Variants in PTPN3 observed in about 807,000 individuals in gnomAD.
PTPN3 encodes tyrosine-protein phosphatase non-receptor type 3.
PTPN3 carries 96 observed loss-of-function variants against 132.7 expected under a neutral mutation model. That is an observed-to-expected ratio of 0.72 (90% CI 0.61 to 0.86). The LOEUF (loss-of-function observed/expected upper bound fraction) is 0.86, where lower values mean the gene tolerates loss of function less well. PTPN3 is among the 40% of genes least tolerant of loss of function. The probability of loss-of-function intolerance (pLI) is 0.00; values close to 1 mark genes in which losing one functional copy is unlikely to be tolerated. For missense variants in PTPN3, 1,125 were observed against 1,159.6 expected, an observed-to-expected ratio of 0.97 and a Z score of 0.43; for synonymous variants, 398 against 429.0, an observed-to-expected ratio of 0.93 and a Z score of 0.89.
intron 1 of PTPN3, among the ~76,000 whole-genome samples, chr9:109,482,409 C>T (rs995879601): frequency 2.6e-5 from 4 of 152,132 alleles, no homozygotes; most frequent in African/African-American, 7.2e-5. Flanking sequence ...TACGGGATAA[C>T]CGCAACTAAT....
chr9:109,386,709 C>T (rs1588292766), intron 22 of PTPN3, among the ~76,000 whole-genome samples: 1 of 152,238 alleles, frequency 6.6e-6, no homozygotes, highest in East Asian at 1.9e-4. Context: ...ACAGACAGTA[C>T]AATACACCTG....
intron 12 of PTPN3, among the ~76,000 whole-genome samples, chr9:109,426,386 T>C (rs1843283511): frequency 6.6e-6 from 1 of 151,950 alleles, no homozygotes; most frequent in South Asian, 2.1e-4. Flanking sequence ...CTGTGGCTAA[T>C]AGTACCTATC....
chr9:109,419,366 A>G (rs1842739503), intron 14 of PTPN3, among the ~76,000 whole-genome samples: 1 of 152,208 alleles, frequency 6.6e-6, no homozygotes, highest in African/African-American at 2.4e-5. Context: ...ACAGTGGTAA[A>G]AAATTTACAG....
rs375763821 is a variant in PTPN3 at position 109,383,524 on chromosome 9, G to C, written c.2281C>G (p.Pro761Ala). The part of the protein sequence containing the change: ...RTKCHQYWPD[P>A]PDVMNHGGFH... ...CCGCCGTGGTTCATGACGTCGGGGG[G>C]ATCTGGCCAGTACTGGTGACATTTG... The change falls in exon 23 of 26, where the codon CCC (proline) becomes GCC (alanine). Residue 761 changes from proline to alanine, a missense_variant. Pro to Ala is a conservative substitution (Grantham distance 27). Coordinates refer to ENST00000374541, the MANE Select transcript of PTPN3 (RefSeq NM_002829.4). 1.9e-6 allele frequency: 3 copies of C among 1,614,002 alleles called. No individual in the cohort carries two copies. Among genetic ancestry groups the C allele is most frequent in the African/African-American group, 2.7e-5 (2 of 74,882 alleles).
At chr9:109,421,684 T>C (rs1842902045) in intron 13 of PTPN3, among the ~76,000 whole-genome samples, 1 of 152,264 alleles carries the variant, frequency 6.6e-6, no homozygotes, top group Non-Finnish European at 1.5e-5. Context: ...TATCTAAATG[T>C]TGGAAACCAA....
intron 12 of PTPN3, among the ~76,000 whole-genome samples, chr9:109,425,318 C>A (rs7851759): frequency 0.038 from 5,773 of 152,232 alleles, 145 homozygotes; most frequent in East Asian, 0.15. Context: ...GCAGTTCCAC[C>A]TATCAGAAAG....
chr9:109,447,875 T>G (rs1399218574), intron 6 of PTPN3, among the ~76,000 whole-genome samples: 1 of 152,192 alleles, frequency 6.6e-6, no homozygotes, highest in African/African-American at 2.4e-5. Context: ...CCCGCCTACG[T>G]AGGACACGAA....
chr9:109,414,550 T>C (rs1334971830), intron 14 of PTPN3, among the ~76,000 whole-genome samples: 1 of 152,236 alleles, frequency 6.6e-6, no homozygotes, highest in African/African-American at 2.4e-5. Context: ...ATTTTTATGA[T>C]GTGGAGACAG....
chr9:109,536,458 G>C, the PTPN3 span, among the ~76,000 whole-genome samples: 1 of 152,152 alleles, frequency 6.6e-6, no homozygotes, highest in South Asian at 2.1e-4. Flanking sequence ...TACAATAATA[G>C]AGTACATTCA....
chr9:109,407,542 A>C (rs754471167), intron 17 of PTPN3, among the ~76,000 whole-genome samples: 31 of 152,130 alleles, frequency 2.0e-4, no homozygotes, highest in Non-Finnish European at 3.7e-4. Flanking sequence ...AAAAACAATA[A>C]AATAAATTTA....
chr9:109,416,422 G>A (rs1376562382), intron 14 of PTPN3, among the ~76,000 whole-genome samples: 1 of 151,598 alleles, frequency 6.6e-6, no homozygotes, highest in Non-Finnish European at 1.5e-5. Flanking sequence ...CCAATGAACA[G>A]AAGTTTTTTG....
the PTPN3 span, among the ~76,000 whole-genome samples, chr9:109,510,082 G>T: frequency 6.6e-6 from 1 of 152,298 alleles, no homozygotes; most frequent in South Asian, 2.1e-4. Context: ...AGAGGGAAGT[G>T]TTGGTCCCAT....
At chr9:109,399,207 G>C (rs191644322) in intron 19 of PTPN3, among the ~76,000 whole-genome samples, 1 of 152,314 alleles carries the variant, frequency 6.6e-6, no homozygotes, top group East Asian at 1.9e-4. Flanking sequence ...TGCAGCCCAG[G>C]CTGGAGTACG....
the PTPN3 span, among the ~76,000 whole-genome samples, chr9:109,506,756 C>G: frequency 2.6e-5 from 4 of 152,102 alleles, no homozygotes; most frequent in African/African-American, 9.6e-5. Flanking sequence ...GTGCATGCCA[C>G]AAGACTTGGC....
At chr9:109,531,376 G>A in the PTPN3 span, among the ~76,000 whole-genome samples, 3 of 152,158 alleles carry the variant, frequency 2.0e-5, no homozygotes, top group Non-Finnish European at 4.4e-5. Context: ...GCTGGACTAA[G>A]GTCAGAAATC....
intron 16 of PTPN3, among the ~76,000 whole-genome samples, chr9:109,408,642 T>C (rs1031963858): frequency 6.6e-6 from 1 of 151,896 alleles, no homozygotes; most frequent in East Asian, 1.9e-4. Flanking sequence ...CCACAGTCCA[T>C]GAACTAACAG....
chr9:109,488,994 TG>T (rs1459924144), intron 1 of PTPN3, among the ~76,000 whole-genome samples: 2 of 152,174 alleles, frequency 1.3e-5, no homozygotes, highest in Non-Finnish European at 2.9e-5. Context: ...AACAGGGATG[TG>T]GGCGTTGGTG....
At chr9:109,462,462 C>T (rs78298285) in intron 2 of PTPN3, among the ~76,000 whole-genome samples, 1,842 of 152,286 alleles carry the variant, frequency 0.012, 33 homozygotes, top group African/African-American at 0.043. Context: ...TCTCTCATCC[C>T]ATCTTCTCTT....
rs1554777646 is a variant in PTPN3 at position 109,391,878 on chromosome 9, G to GGT, written c.1954-318_1954-317insAC. 2.0e-5 allele frequency among the ~76,000 whole-genome samples: 2 copies of GGT among 99,444 alleles called. 1 individual carries two copies. Among genetic ancestry groups the GGT allele is most frequent in the Non-Finnish European group, 4.0e-5 (2 of 49,662 alleles). The allele number at this position is 99,444 out of a possible 152,430, so 65.2% of individuals were successfully genotyped here. On this transcript the variant is annotated intron_variant, in intron 19 of 25. Transcript: ENST00000374541. ...CTAAAAGCAACTAGATGTGGGGGGG[G>GGT]GGGGGAAGAATTCTGGCTCAAAATT...
Sources: allele counts gnomAD v4.1 joint callset (sites outside exome capture counted in the v4.1 genomes callset), GRCh38; gene constraint gnomAD v4.1.1; transcripts MANE v1.5; gene names NCBI Gene and HGNC (gene_info 2026-07-23, HGNC 2026-07-21).